CDH13: variants seen among roughly 807,000 people sequenced by gnomAD.
CDH13 encodes cadherin 13.
Under a neutral mutation model 63.8 loss-of-function variants are expected in CDH13, and 24 were observed. The ratio of observed to expected loss-of-function variants is 0.38; its 90% CI spans 0.27 to 0.53. The LOEUF (loss-of-function observed/expected upper bound fraction) is 0.53, where lower values mean the gene tolerates loss of function less well. Ranked by LOEUF, CDH13 falls within the 20% of genes least tolerant of loss-of-function variation. The pLI is 0.85. For synonymous variants in CDH13, 503 were observed against 355.3 expected (o/e 1.42, Z -4.67); for missense variants, 1,049 against 903.1 (o/e 1.16, Z -2.07).
chr16:83,343,966 C>G (rs970399676), intron 5 of CDH13, among the ~76,000 whole-genome samples: 2 of 152,186 alleles, frequency 1.3e-5, no homozygotes, highest in African/African-American at 4.8e-5. Context: ...GTTAACCCCA[C>G]TTACAGATGA....
chr16:83,236,002 A>T (rs771126606), intron 5 of CDH13, among the ~76,000 whole-genome samples: 5 of 152,228 alleles, frequency 3.3e-5, no homozygotes, highest in Admixed American at 6.5e-5. Flanking sequence ...AGCTTAGATG[A>T]TTAATTCAGA....
intron 7 of CDH13, among the ~76,000 whole-genome samples, chr16:83,560,803 A>G (rs1473383602): frequency 7.0e-6 from 1 of 143,558 alleles, no homozygotes; most frequent in African/African-American, 2.6e-5. Context: ...GATTGACGCA[A>G]CCTTAATCAT....
At chr16:82,686,257 G>T (rs1044912447) in intron 1 of CDH13, among the ~76,000 whole-genome samples, 3 of 152,212 alleles carry the variant, frequency 2.0e-5, no homozygotes, top group African/African-American at 7.2e-5. Flanking sequence ...GGACTTTCCT[G>T]TTGAAACTAG....
At chr16:82,962,601 G>A (rs1907186878) in intron 2 of CDH13, among the ~76,000 whole-genome samples, 1 of 152,162 alleles carries the variant, frequency 6.6e-6, no homozygotes, top group African/African-American at 2.4e-5. Context: ...GAGTAGGAAG[G>A]TCTAGAAGAG....
At chr16:83,784,939 C>CTTCT (rs1313362082) in intron 13 of CDH13, among the ~76,000 whole-genome samples, 1 of 152,214 alleles carries the variant, frequency 6.6e-6, no homozygotes, top group Non-Finnish European at 1.5e-5. Context: ...CTAACTTTAT[C>CTTCT]TTCTGCAAAG....
At chr16:83,140,111 A>G (rs1028855488) in intron 4 of CDH13, among the ~76,000 whole-genome samples, 8 of 152,234 alleles carry the variant, frequency 5.3e-5, no homozygotes, top group Admixed American at 5.2e-4. Context: ...AAGACACAGC[A>G]TCAGGCTGTA....
intron 1 of CDH13, among the ~76,000 whole-genome samples, chr16:82,789,304 C>T (rs151049435): frequency 1.5e-3 from 231 of 152,192 alleles, no homozygotes; most frequent in African/African-American, 4.7e-3. Context: ...TCCTTAAGCT[C>T]GGAGTTAAAA....
intron 3 of CDH13, among the ~76,000 whole-genome samples, chr16:83,045,634 TAAAAAAAAAAA>T (rs71382861): frequency 2.2e-4 from 24 of 107,918 alleles, no homozygotes; most frequent in African/African-American, 8.9e-4. Context: ...AAGATTCCTT[TAAAAAAAAAAA>T]AAAAAAAAAA....
At chr16:83,783,117 G>A in intron 12 of CDH13, 137 bp from the exon 13 acceptor site, 1 of 653,176 alleles carries the variant, frequency 1.5e-6, no homozygotes, top group African/African-American at 1.8e-5. Context: ...TGATGTTAAT[G>A]AATTTAAATG....
intron 2 of CDH13, among the ~76,000 whole-genome samples, chr16:82,955,108 T>C (rs1905872427): frequency 6.6e-6 from 1 of 152,236 alleles, no homozygotes; most frequent in Admixed American, 6.5e-5. Context: ...CCTATAATCT[T>C]TGGTGTGGAT....
chr16:83,231,034 G>A lies in CDH13; in HGVS notation c.636+13537G>A, dbSNP rs145514539. Among the ~76,000 whole-genome samples the A allele has an allele frequency of 1.4e-4, 22 of 152,218 alleles. No individual in the cohort carries two copies. The East Asian group carries it at 4.1e-3, about 28-fold the overall frequency. ...TCATCTTCCTCGGGCTCTGACCTTC[G>A]CCCAGCTCTCTAAACTTGAGCAAAT... On this transcript the variant is annotated intron_variant, in intron 5 of 13. Coordinates refer to ENST00000567109, the MANE Select transcript of CDH13 (RefSeq NM_001257.5).
At chr16:83,457,573 C>T (rs1265569316) in intron 6 of CDH13, among the ~76,000 whole-genome samples, 7 of 152,148 alleles carry the variant, frequency 4.6e-5, no homozygotes. Flanking sequence ...TCATCTACCT[C>T]TATTATCCTC....
At chr16:82,752,943 C>G (rs1031906730) in intron 1 of CDH13, among the ~76,000 whole-genome samples, 6 of 152,164 alleles carry the variant, frequency 3.9e-5, no homozygotes, top group African/African-American at 1.2e-4. Context: ...ATCTTAAAAG[C>G]ATAGATAACA....
chr16:82,900,608 C>T (rs1173483641), intron 2 of CDH13, among the ~76,000 whole-genome samples: 1 of 152,086 alleles, frequency 6.6e-6, no homozygotes, highest in Non-Finnish European at 1.5e-5. Context: ...TGTGAAGTAA[C>T]CAGCAGAGAG....
chr16:83,582,801 CA>C (rs1349368604), intron 7 of CDH13, among the ~76,000 whole-genome samples: 1 of 152,186 alleles, frequency 6.6e-6, no homozygotes, highest in Non-Finnish European at 1.5e-5. Flanking sequence ...GGACCTTAAG[CA>C]GAGTCCGATC....
intron 5 of CDH13, among the ~76,000 whole-genome samples, chr16:83,287,768 C>T (rs976596039): frequency 1.3e-5 from 2 of 152,184 alleles, no homozygotes; most frequent in African/African-American, 2.4e-5. Flanking sequence ...CCCCTCACCT[C>T]CTCCTGGTCC....
At chr16:83,607,522 T>C (rs1908456984) in intron 8 of CDH13, among the ~76,000 whole-genome samples, 1 of 152,236 alleles carries the variant, frequency 6.6e-6, no homozygotes, top group African/African-American at 2.4e-5. Flanking sequence ...TCTCCTATCC[T>C]CTGTTGTATC....
chr16:83,115,931 G>A (rs895942339), intron 3 of CDH13, among the ~76,000 whole-genome samples: 7 of 152,206 alleles, frequency 4.6e-5, no homozygotes, highest in Admixed American at 6.5e-5. Context: ...GAATGTCAGC[G>A]TATTTAGGAG....
At chr16:83,243,312 G>A (rs550972714) in intron 5 of CDH13, among the ~76,000 whole-genome samples, 11 of 152,340 alleles carry the variant, frequency 7.2e-5, no homozygotes, top group East Asian at 3.9e-4. Context: ...GAGGCCTCAC[G>A]GCGATGGTGG....
Sources: gnomAD v4.1 joint callset for allele counts (sites outside exome capture counted in the v4.1 genomes callset) on GRCh38, gnomAD v4.1.1 for gene constraint, MANE v1.5 for transcripts, NCBI Gene and HGNC (gene_info 2026-07-23, HGNC 2026-07-21) for gene names.